MALRD1: variants seen among roughly 807,000 people sequenced by gnomAD.
The protein encoded by MALRD1 is MAM and LDL-receptor class A domain-containing protein 1.
MALRD1 carries 247 observed loss-of-function variants against 242.1 expected under a neutral mutation model. The ratio of observed to expected loss-of-function variants is 1.02; its 90% CI spans 0.92 to 1.13. MALRD1 has a LOEUF of 1.13. Ranked by LOEUF, MALRD1 falls within the 50% of genes most tolerant of loss-of-function variation. The probability of loss-of-function intolerance (pLI) is 0.00; values close to 1 mark genes in which losing one functional copy is unlikely to be tolerated. For synonymous variants in MALRD1, 995 were observed against 866.6 expected, an observed-to-expected ratio of 1.15 and a Z score of -2.60; for missense variants, 2,989 against 2,533.1, an observed-to-expected ratio of 1.18 and a Z score of -3.86.
intron 19 of MALRD1, among the ~76,000 whole-genome samples, chr10:19,259,342 T>C (rs1454825079): frequency 6.6e-6 from 1 of 152,100 alleles, no homozygotes; most frequent in African/African-American, 2.4e-5. Context: ...TAGTCCATTC[T>C]CACACTGCTA....
intron 38 of MALRD1, among the ~76,000 whole-genome samples, chr10:19,696,358 A>G (rs1353313843): frequency 6.6e-6 from 1 of 152,218 alleles, no homozygotes; most frequent in South Asian, 2.1e-4. Context: ...AATTAAAGAT[A>G]TACATCATAT....
rs528518884 is a variant in MALRD1, at chr10:19,550,516, C to G, written c.5479-16986C>G. On this transcript the variant is annotated intron_variant, in intron 32 of 39. Coordinates refer to ENST00000454679, the MANE Select transcript of MALRD1 (RefSeq NM_001142308.3). ...TTCCAACCTCCACCCTCCAATAGGC[C>G]CCAGTGTGTGTGGGTTCCCCTCTAT... 6.6e-5 allele frequency among the ~76,000 whole-genome samples: 10 copies of G among 152,156 alleles called. 1 individual carries two copies. In the Middle Eastern group the frequency reaches 0.017, roughly 259 times the overall value.
intron 14 of MALRD1, among the ~76,000 whole-genome samples, chr10:19,199,812 A>C (rs1472229495): frequency 4.8e-5 from 6 of 124,508 alleles, no homozygotes; most frequent in African/African-American, 1.8e-4. Flanking sequence ...AAATAAATAA[A>C]TAAATAAAAT....
chr10:19,375,431 A>G (rs1019853900), intron 26 of MALRD1, among the ~76,000 whole-genome samples: 2 of 152,092 alleles, frequency 1.3e-5, no homozygotes, highest in Non-Finnish European at 2.9e-5. Flanking sequence ...GAGTTGGGAG[A>G]AAACTTTAAT....
chr10:19,100,824 C>A (rs1441361926), intron 4 of MALRD1, among the ~76,000 whole-genome samples: 3 of 151,624 alleles, frequency 2.0e-5, no homozygotes. Context: ...AGAAAAAAAA[C>A]CAGAGACATG....
At position 19,526,965 on chromosome 10, in the gene MALRD1, C is replaced by T. The variant is rs1186998614; in HGVS notation, c.5321-4229C>T. ...AAGAAGGTGATGTTCAGTCTGATTT[C>T]AAGGTTTGGGAATTTGTGTAGGGCC... On this transcript the variant is annotated intron_variant, in intron 31 of 39. Coordinates refer to ENST00000454679, the MANE Select transcript of MALRD1 (RefSeq NM_001142308.3). Among the ~76,000 whole-genome samples the T allele has an allele frequency of 3.9e-5, 6 of 152,080 alleles. 1 individual carries two copies. The highest frequency in any genetic ancestry group is 8.8e-5 in the Non-Finnish European group (6 of 67,994).
intron 32 of MALRD1, among the ~76,000 whole-genome samples, chr10:19,544,568 CTT>C (rs370982591): frequency 2.8e-5 from 4 of 144,050 alleles, no homozygotes; most frequent in African/African-American, 7.6e-5. Flanking sequence ...ATTGCTGTGC[CTT>C]TTTTTTTTTC....
At chr10:19,263,332 T>C (rs1339769157) in intron 19 of MALRD1, among the ~76,000 whole-genome samples, 1 of 152,232 alleles carries the variant, frequency 6.6e-6, no homozygotes, top group East Asian at 1.9e-4. Flanking sequence ...ATAATAGACA[T>C]CCTAACAGAT....
intron 36 of MALRD1, among the ~76,000 whole-genome samples, chr10:19,627,402 A>G (rs1839700741): frequency 6.6e-6 from 1 of 151,902 alleles, no homozygotes; most frequent in Non-Finnish European, 1.5e-5. Flanking sequence ...ACCATAAACA[A>G]AATTAAGAAA....
At chr10:19,450,003 T>TA (rs1835231312) in intron 28 of MALRD1, among the ~76,000 whole-genome samples, 1 of 152,172 alleles carries the variant, frequency 6.6e-6, no homozygotes, top group Admixed American at 6.5e-5. Flanking sequence ...ATCTGTCAGA[T>TA]ACAACTAATT....
At chr10:19,271,531 G>A (rs1217468429) in intron 19 of MALRD1, among the ~76,000 whole-genome samples, 4 of 152,120 alleles carry the variant, frequency 2.6e-5, no homozygotes, top group African/African-American at 7.2e-5. Context: ...TTGGGAGGCC[G>A]AGGCGGGCAG....
At chr10:19,418,842 G>A (rs1833608960) in intron 28 of MALRD1, among the ~76,000 whole-genome samples, 1 of 152,018 alleles carries the variant, frequency 6.6e-6, no homozygotes, top group South Asian at 2.1e-4. Context: ...CTTAGCTCAG[G>A]TTATCACATA....
chr10:19,397,770 G>C (rs1846649451), intron 28 of MALRD1, among the ~76,000 whole-genome samples: 1 of 152,068 alleles, frequency 6.6e-6, no homozygotes, highest in Non-Finnish European at 1.5e-5. Flanking sequence ...TTTGTTGTCT[G>C]TGAATTTGAG....
intron 9 of MALRD1, among the ~76,000 whole-genome samples, chr10:19,134,224 C>A (rs568338718): frequency 6.6e-6 from 1 of 152,086 alleles, no homozygotes; most frequent in Non-Finnish European, 1.5e-5. Context: ...CATGCTGTGC[C>A]CCAGGGAAAC....
chr10:19,148,788 A>AAAAAT (rs1206724666), intron 11 of MALRD1, among the ~76,000 whole-genome samples: 54 of 88,038 alleles, frequency 6.1e-4, no homozygotes, highest in Middle Eastern at 7.0e-3. Flanking sequence ...AAAAAAAAAA[A>AAAAAT]ATATATATAT....
chr10:19,485,277 A>T (rs1411357725), intron 29 of MALRD1, among the ~76,000 whole-genome samples: 2 of 152,204 alleles, frequency 1.3e-5, no homozygotes, highest in African/African-American at 4.8e-5. Context: ...CCTAGACTTT[A>T]TCGCTGTACA....
At chr10:19,627,367 A>G (rs1450696099) in intron 36 of MALRD1, among the ~76,000 whole-genome samples, 1 of 152,116 alleles carries the variant, frequency 6.6e-6, no homozygotes, top group East Asian at 1.9e-4. Flanking sequence ...GATGATGCTT[A>G]AAAGTATTCA....
chr10:19,362,134 G>C (rs1351860168), intron 26 of MALRD1, among the ~76,000 whole-genome samples: 1 of 152,028 alleles, frequency 6.6e-6, no homozygotes, highest in Non-Finnish European at 1.5e-5. Flanking sequence ...TTTCTGACCA[G>C]CCCGTGAGTC....
intron 11 of MALRD1, among the ~76,000 whole-genome samples, chr10:19,152,324 C>G (rs1182111995): frequency 6.6e-6 from 1 of 152,084 alleles, no homozygotes; most frequent in African/African-American, 2.4e-5. Context: ...CTCTCTATAC[C>G]CCTTACCTGC....
Sources: allele counts gnomAD v4.1 joint callset (sites outside exome capture counted in the v4.1 genomes callset), GRCh38; gene constraint gnomAD v4.1.1; transcripts MANE v1.5; gene names NCBI Gene and HGNC (gene_info 2026-07-23, HGNC 2026-07-21).